Variants in DAPK1 observed in about 807,000 individuals in gnomAD.
DAPK1 encodes the protein death associated protein kinase 1.
A neutral mutation model predicts 144.9 loss-of-function variants in DAPK1; 56 were observed. That is an observed-to-expected ratio of 0.39 (90% CI 0.31 to 0.48). The LOEUF (loss-of-function observed/expected upper bound fraction) is 0.48. Ranked by LOEUF, DAPK1 falls within the 20% of genes least tolerant of loss-of-function variation. DAPK1 has a pLI of 0.95. For missense variants in DAPK1, 1,454 were observed against 1,875.4 expected, an observed-to-expected ratio of 0.78 and a Z score of 4.15; for synonymous variants, 690 against 749.0, an observed-to-expected ratio of 0.92 and a Z score of 1.29.
At chr9:87,673,270 G>A (rs1249698495) in intron 19 of DAPK1, among the ~76,000 whole-genome samples, 2 of 152,308 alleles carry the variant, frequency 1.3e-5, no homozygotes, top group Non-Finnish European at 2.9e-5. Context: ...CCTGGGGAGA[G>A]GTCTGTATCT....
At chr9:87,549,720 T>C (rs1826400925) in intron 2 of DAPK1, among the ~76,000 whole-genome samples, 1 of 152,202 alleles carries the variant, frequency 6.6e-6, no homozygotes, top group South Asian at 2.1e-4. Flanking sequence ...GCCTCAGCAA[T>C]GCACTTGTAC....
intron 3 of DAPK1, among the ~76,000 whole-genome samples, chr9:87,624,274 G>A (rs1441059030): frequency 1.3e-5 from 2 of 152,194 alleles, no homozygotes; most frequent in Non-Finnish European, 2.9e-5. Context: ...GACTGACAAG[G>A]TAGTGCTGGC....
At chr9:87,516,961 G>T (rs1339820465) in intron 2 of DAPK1, among the ~76,000 whole-genome samples, 1 of 152,126 alleles carries the variant, frequency 6.6e-6, no homozygotes, top group Non-Finnish European at 1.5e-5. Context: ...ACCATGCCTA[G>T]GGCTGCACTG....
intron 3 of DAPK1, among the ~76,000 whole-genome samples, chr9:87,614,832 G>A (rs1829042796): frequency 6.6e-6 from 1 of 152,150 alleles, no homozygotes. Flanking sequence ...CAGGCCCTGG[G>A]ACTGCCTGTT....
At chr9:87,497,520 A>G (rs1049412321), upstream of DAPK1, among the ~76,000 whole-genome samples, 14 of 152,378 alleles carry the variant, frequency 9.2e-5, no homozygotes, top group Admixed American at 2.6e-4. Flanking sequence ...CTGGGATCCC[A>G]GTACACATCT....
intron 2 of DAPK1, among the ~76,000 whole-genome samples, chr9:87,566,020 CT>C (rs11354174): frequency 0.52 from 62,116 of 120,312 alleles, 14,348 homozygotes; most frequent in Middle Eastern, 0.57. Flanking sequence ...TCTCAGCATT[CT>C]TTTTTTTTTT....
At chr9:87,538,820 T>C (rs1053834645) in intron 2 of DAPK1, among the ~76,000 whole-genome samples, 1 of 151,244 alleles carries the variant, frequency 6.6e-6, no homozygotes, top group Admixed American at 6.6e-5. Context: ...TTATAAACTA[T>C]TGGCTTTTAA....
chr9:87,600,902 C>T (rs1047372665), intron 2 of DAPK1, among the ~76,000 whole-genome samples: 9 of 152,332 alleles, frequency 5.9e-5, no homozygotes, highest in Admixed American at 3.3e-4. Context: ...GCTTTATGTG[C>T]ATTCGCTTTG....
At chr9:87,670,510 C>A (rs866646311) in intron 19 of DAPK1, among the ~76,000 whole-genome samples, 12 of 152,326 alleles carry the variant, frequency 7.9e-5, no homozygotes, top group Non-Finnish European at 1.5e-4. Flanking sequence ...CGACAGGCCT[C>A]ATAGCTTTAC....
chr9:87,677,144 T>C (rs941586391), intron 19 of DAPK1, among the ~76,000 whole-genome samples: 3 of 152,188 alleles, frequency 2.0e-5, no homozygotes, highest in African/African-American at 4.8e-5. Flanking sequence ...CTGTCTCAAC[T>C]CCTCCTGCTG....
At chr9:87,666,895 A>G (rs1831078729) in intron 18 of DAPK1, among the ~76,000 whole-genome samples, 1 of 152,156 alleles carries the variant, frequency 6.6e-6, no homozygotes, top group South Asian at 2.1e-4. Flanking sequence ...TGCAAGAGGA[A>G]CGTCCTGTTC....
At chr9:87,530,474 T>C (rs36230885) in intron 2 of DAPK1, among the ~76,000 whole-genome samples, 1 of 152,206 alleles carries the variant, frequency 6.6e-6, no homozygotes. Flanking sequence ...TCAAATCTTA[T>C]GTCTACTTTC....
rs11141950 is a variant in DAPK1, at chr9:87,708,339, G to C, written c.*975G>C. 1.3e-5 allele frequency: 2 copies of C among 152,622 alleles called. No homozygotes were observed. The highest frequency in any genetic ancestry group is 4.8e-5 in the African/African-American group (2 of 41,420). The allele number at this position is 152,622 out of a possible 1,614,324, so 9.5% of individuals were successfully genotyped here. A position where few individuals can be genotyped will look rare whatever the true frequency, so the allele number is the denominator to read the frequency against. On this transcript the variant is annotated 3_prime_UTR_variant, in exon 26 of 26. Transcript: ENST00000408954. ...GCATAGCAGATGGTTTCCACATTTA[G>C]ATCCTGGTTTCATAACTTCCTGTAC...
rs751420292 is a variant in DAPK1, at chr9:87,645,997, G to A, written c.1114G>A (p.Val372Ile). ...HLLGSLSNYD[V>I]NQPNKHGTPP... is the part of the protein sequence containing the mutation. ...TCTGGGCTCATTATCCAACTATGATGTTAACCAACCCAACAAGGTCTGGTT... is the reference window on the plus strand; with the variant it reads ...TCTGGGCTCATTATCCAACTATGATATTAACCAACCCAACAAGGTCTGGTT... The change falls in exon 12 of 26, where the codon GTT becomes ATT. Residue 372 changes from valine (V) to isoleucine (I), a missense_variant. Physicochemically the swap from Val to Ile is conservative, Grantham distance 29. Around this residue, in one of 2 missense-constraint regions of DAPK1, gnomAD observed 429 missense variants for 637.5 expected, o/e 0.67. Coordinates refer to ENST00000408954, the MANE Select transcript of DAPK1 (RefSeq NM_004938.4). 6.2e-7 allele frequency: 1 copy of A among 1,614,038 alleles called. No homozygotes were observed. Among genetic ancestry groups the A allele is most frequent in the Non-Finnish European group, 8.5e-7 (1 of 1,179,960 alleles).
Position 87,681,397 on chromosome 9 carries a change from T to C in DAPK1, c.2002-7T>C. 6.6e-7 allele frequency: 1 copy of C among 1,525,942 alleles called. No individual in the cohort carries two copies. Among genetic ancestry groups the C allele is most frequent in the Non-Finnish European group, 9.1e-7 (1 of 1,100,548 alleles). 94.5% of individuals were successfully genotyped at this position (1,525,942 alleles called of 1,614,324 possible). A position where few individuals can be genotyped will look rare whatever the true frequency, so the allele number is the denominator to read the frequency against. ...TCACTCACTGGCTCTTTCTCATCCA[T>C]GCTCAGGATACGCACCGAGGACTCT... On this transcript the variant is annotated splice_polypyrimidine_tract_variant and splice_region_variant and intron_variant, in intron 19 of 25. Transcript: ENST00000408954.
At chr9:87,685,197 G>A (rs1178930028) in intron 20 of DAPK1, among the ~76,000 whole-genome samples, 3 of 152,224 alleles carry the variant, frequency 2.0e-5, no homozygotes, top group Admixed American at 6.5e-5. Context: ...AATAGAATAT[G>A]TGTTGGTGTT....
intron 2 of DAPK1, among the ~76,000 whole-genome samples, chr9:87,530,479 A>G (rs1211307592): frequency 1.3e-5 from 2 of 152,196 alleles, no homozygotes; most frequent in Non-Finnish European, 2.9e-5. Context: ...TCTTATGTCT[A>G]CTTTCCTTAA....
At chr9:87,606,801 C>G (rs1405989420) in intron 3 of DAPK1, among the ~76,000 whole-genome samples, 1 of 132,178 alleles carries the variant, frequency 7.6e-6, no homozygotes. Context: ...CTCCTTCCCT[C>G]CCTTCCTCTC....
rs58664570 is a variant in DAPK1 at position 87,623,343 on chromosome 9, CAGCTT to C, written c.285-14599_285-14595del. On this transcript the variant is annotated intron_variant, in intron 3 of 25. Transcript: ENST00000408954. ...TTTCCACACAGGCTGGACCTTAATG[CAGCTT>C]CACAGATTAGTCTTTCATGCCTATG... Among the ~76,000 whole-genome samples, 534 of 152,280 alleles carry C rather than the reference CAGCTT, an allele frequency of 3.5e-3. 4 individuals are homozygous for C. The highest frequency in any genetic ancestry group is 0.012 in the African/African-American group (514 of 41,560).
Sources: gnomAD v4.1 joint callset for allele counts (sites outside exome capture counted in the v4.1 genomes callset) on GRCh38, gnomAD v4.1.1 for gene constraint, gnomAD v4.1.1 regional missense constraint, MANE v1.5 for transcripts, NCBI Gene and HGNC (gene_info 2026-07-23, HGNC 2026-07-21) for gene names.